VPS13B: variants seen among roughly 807,000 people sequenced by gnomAD.
VPS13B encodes the protein vacuolar protein sorting 13 homolog B.
Under a neutral mutation model 426.4 loss-of-function variants are expected in VPS13B, and 285 were observed. The observed-to-expected ratio is 0.67, with a 90% CI of 0.61 to 0.74. The LOEUF is 0.74. Among genes scored for constraint, VPS13B ranks in the 30% least tolerant of loss-of-function variants. VPS13B has a pLI of 0.00. For synonymous variants in VPS13B, 1,676 were observed against 1,676.4 expected (o/e 1.00, Z 0.01); for missense variants, 4,537 against 4,782.6 (o/e 0.95, Z 1.51).
intron 55 of VPS13B, among the ~76,000 whole-genome samples, chr8:99,850,740 A>G (rs1816246115): frequency 6.6e-6 from 1 of 152,204 alleles, no homozygotes; most frequent in Non-Finnish European, 1.5e-5. Flanking sequence ...AGCCTGGCCA[A>G]CATGGCGAAA....
chr8:99,640,049 G>GAAGAGAAAAGAAA (rs1299280170), intron 33 of VPS13B, among the ~76,000 whole-genome samples: 47 of 99,696 alleles, frequency 4.7e-4, no homozygotes, highest in South Asian at 2.5e-3. Flanking sequence ...AGAAGAAGAA[G>GAAGAGAAAAGAAA]AGAAAAGAAA....
chr8:99,284,203 AT>A (rs1303854894), intron 19 of VPS13B, among the ~76,000 whole-genome samples: 1 of 152,048 alleles, frequency 6.6e-6, no homozygotes, highest in African/African-American at 2.4e-5. Context: ...TGTTTAAAAT[AT>A]TTTTTCTTTT....
chr8:99,746,979 C>T (rs971668252), intron 39 of VPS13B, among the ~76,000 whole-genome samples: 47 of 152,096 alleles, frequency 3.1e-4, no homozygotes, highest in African/African-American at 1.1e-3. Context: ...CACCAAATAA[C>T]ATTTTTATAA....
chr8:99,585,541 A>G (rs912678890), intron 33 of VPS13B, among the ~76,000 whole-genome samples: 6 of 152,318 alleles, frequency 3.9e-5, no homozygotes, highest in African/African-American at 1.4e-4. Context: ...CTGAAAATCA[A>G]TTAACGTAAA....
Position 99,788,416 on chromosome 8 carries a change from A to G in VPS13B, c.7941+3940A>G, listed in dbSNP as rs902709908. 2.0e-5 allele frequency among the ~76,000 whole-genome samples: 3 copies of G among 151,118 alleles called. No homozygotes were observed. The East Asian group carries it at 5.8e-4, about 29-fold the overall frequency. ...AAAAAAAAAAAAAGCAAAATGTAAC[A>G]AGGTAAAATTAATTTTGATGAGCAG... On this transcript the variant is annotated intron_variant, in intron 43 of 61. Coordinates refer to ENST00000357162, the MANE Select transcript of VPS13B (RefSeq NM_152564.5).
chr8:99,574,824 C>G lies in VPS13B; in HGVS notation c.4950-834C>G, dbSNP rs1228582707. 2.0e-5 allele frequency among the ~76,000 whole-genome samples: 3 copies of G among 152,052 alleles called. No individual in the cohort carries two copies. In the East Asian group the frequency reaches 5.8e-4, roughly 29 times the overall value. On this transcript the variant is annotated intron_variant, in intron 31 of 61. Transcript: ENST00000357162. ...ATAATGGGGCTATTAACAGTCCCTACTTTACATACAGGATTGTTTTCAGGA... is the reference window on the plus strand; with the variant it reads ...ATAATGGGGCTATTAACAGTCCCTAGTTTACATACAGGATTGTTTTCAGGA...
chr8:99,169,262 G>A (rs1385983733), intron 15 of VPS13B, among the ~76,000 whole-genome samples: 2 of 151,910 alleles, frequency 1.3e-5, no homozygotes, highest in Non-Finnish European at 2.9e-5. Flanking sequence ...TCCACTCTGA[G>A]GTGTTTATCT....
At chr8:99,748,892 C>T (rs895478016) in intron 39 of VPS13B, among the ~76,000 whole-genome samples, 1 of 152,016 alleles carries the variant, frequency 6.6e-6, no homozygotes, top group African/African-American at 2.4e-5. Flanking sequence ...TTCTGGCACA[C>T]AGAACTTGCT....
At chr8:99,560,736 C>G (rs890884114) in intron 31 of VPS13B, among the ~76,000 whole-genome samples, 1 of 152,178 alleles carries the variant, frequency 6.6e-6, no homozygotes, top group Non-Finnish European at 1.5e-5. Flanking sequence ...TGGTGGCACA[C>G]CACAGCATCA....
intron 44 of VPS13B, among the ~76,000 whole-genome samples, chr8:99,812,315 C>G (rs928425536): frequency 2.0e-5 from 3 of 152,092 alleles, no homozygotes; most frequent in African/African-American, 7.2e-5. Context: ...CCTCAATTGG[C>G]AAGGTTGGGA....
intron 23 of VPS13B, among the ~76,000 whole-genome samples, chr8:99,462,775 A>G (rs1014536370): frequency 1.3e-5 from 2 of 152,210 alleles, no homozygotes; most frequent in African/African-American, 4.8e-5. Context: ...GGTTGGAGCC[A>G]GTGGGATTAG....
chr8:99,691,520 A>G (rs919955728), intron 35 of VPS13B, among the ~76,000 whole-genome samples: 1 of 152,090 alleles, frequency 6.6e-6, no homozygotes, highest in Non-Finnish European at 1.5e-5. Context: ...ATGCACAACT[A>G]GCTGTAAACA....
chr8:99,190,282 C>A (rs1202742614), intron 16 of VPS13B, among the ~76,000 whole-genome samples: 1 of 150,772 alleles, frequency 6.6e-6, no homozygotes, highest in Non-Finnish European at 1.5e-5. Flanking sequence ...CTCCTTCATG[C>A]CCCTATCCCC....
At chr8:99,308,829 C>T (rs1820790704) in intron 19 of VPS13B, among the ~76,000 whole-genome samples, 1 of 152,086 alleles carries the variant, frequency 6.6e-6, no homozygotes, top group Admixed American at 6.5e-5. Context: ...TCTCCACATC[C>T]TCTCCAGCAC....
At chr8:99,132,419 A>G (rs114692935) in intron 8 of VPS13B, among the ~76,000 whole-genome samples, 2,510 of 152,264 alleles carry the variant, frequency 0.016, 84 homozygotes, top group African/African-American at 0.057. Context: ...TTTAGTAGTT[A>G]CTTCCTCCAC....
chr8:99,260,176 C>T (rs1817969817), intron 17 of VPS13B, among the ~76,000 whole-genome samples: 1 of 151,992 alleles, frequency 6.6e-6, no homozygotes, highest in Non-Finnish European at 1.5e-5. Context: ...TCCCAGAATG[C>T]AACATTGAAA....
intron 39 of VPS13B, among the ~76,000 whole-genome samples, chr8:99,733,606 T>C (rs1833689189): frequency 1.3e-5 from 2 of 152,220 alleles, no homozygotes; most frequent in Admixed American, 1.3e-4. Flanking sequence ...AGATTTTGAA[T>C]CTTGGAGGAA....
intron 3 of VPS13B, among the ~76,000 whole-genome samples, chr8:99,070,585 T>C (rs1366757176): frequency 1.3e-5 from 2 of 152,186 alleles, no homozygotes; most frequent in Non-Finnish European, 2.9e-5. Context: ...TTTTTTTCTC[T>C]TTGTTTTTTG....
At chr8:99,385,777 T>C (rs1259343640) in intron 20 of VPS13B, among the ~76,000 whole-genome samples, 4 of 152,144 alleles carry the variant, frequency 2.6e-5, no homozygotes, top group Non-Finnish European at 5.9e-5. Flanking sequence ...ACAACTAAGC[T>C]GAGTATTCTA....
Sources: allele counts gnomAD v4.1 joint callset (sites outside exome capture counted in the v4.1 genomes callset), GRCh38; gene constraint gnomAD v4.1.1; transcripts MANE v1.5; gene names NCBI Gene and HGNC (gene_info 2026-07-23, HGNC 2026-07-21).